HIVEP3: variants seen among roughly 807,000 people sequenced by gnomAD.
HIVEP3 encodes the protein transcription factor HIVEP3.
In HIVEP3, 49 loss-of-function variants were observed where a neutral mutation model predicts 152.8. The ratio of observed to expected loss-of-function variants is 0.32; its 90% CI spans 0.26 to 0.41. The LOEUF (loss-of-function observed/expected upper bound fraction) is 0.41, where lower values mean the gene tolerates loss of function less well. Ranked by LOEUF, HIVEP3 falls within the 10% of genes least tolerant of loss-of-function variation. The pLI is 1.00. For missense variants in HIVEP3, 2,790 were observed against 3,103.3 expected, an observed-to-expected ratio of 0.90 and a Z score of 2.40; for synonymous variants, 1,269 against 1,289.0, an observed-to-expected ratio of 0.98 and a Z score of 0.33.
chr1:41,970,264 AT>A (rs1261530299), intron 1 of HIVEP3, among the ~76,000 whole-genome samples: 1 of 152,238 alleles, frequency 6.6e-6, no homozygotes, highest in Non-Finnish European at 1.5e-5. Flanking sequence ...CACTATTACA[AT>A]AGCAAAGACA....
chr1:42,002,025 C>A (rs1406851471), intron 1 of HIVEP3, among the ~76,000 whole-genome samples: 3 of 152,146 alleles, frequency 2.0e-5, no homozygotes, highest in African/African-American at 7.2e-5. Flanking sequence ...ATCCCCCTTT[C>A]CACAAGCTTT....
At chr1:41,629,447 G>A (rs1002938273) in intron 2 of HIVEP3, among the ~76,000 whole-genome samples, 12 of 152,128 alleles carry the variant, frequency 7.9e-5, no homozygotes, top group Admixed American at 2.0e-4. Context: ...ACTAAAGAGC[G>A]TCTGCACAGC....
chr1:41,721,874 A>G (rs754589323), intron 1 of HIVEP3, among the ~76,000 whole-genome samples: 86 of 152,270 alleles, frequency 5.6e-4, no homozygotes, highest in Non-Finnish European at 9.9e-4. Context: ...GCCTTCCCTA[A>G]CAGAGGTGTG....
chr1:41,714,530 A>G (rs1206041280), intron 1 of HIVEP3, among the ~76,000 whole-genome samples: 1 of 152,234 alleles, frequency 6.6e-6, no homozygotes, highest in Admixed American at 6.5e-5. Context: ...ATTTGGATCC[A>G]TGTTTGCTGA....
intron 3 of HIVEP3, among the ~76,000 whole-genome samples, chr1:41,628,118 G>C (rs1191705905): frequency 6.6e-6 from 1 of 152,196 alleles, no homozygotes; most frequent in African/African-American, 2.4e-5. Context: ...CTGATACCAG[G>C]CCTCTCCCCA....
At chr1:41,551,175 T>C (rs892190009) in intron 5 of HIVEP3, among the ~76,000 whole-genome samples, 1 of 152,206 alleles carries the variant, frequency 6.6e-6, no homozygotes, top group Non-Finnish European at 1.5e-5. Context: ...TGATGGATTA[T>C]ATTTATTGAT....
chr1:41,726,940 T>A (rs182659288), intron 1 of HIVEP3, among the ~76,000 whole-genome samples: 56 of 152,268 alleles, frequency 3.7e-4, no homozygotes, highest in African/African-American at 1.2e-3. Context: ...GCTGTACATA[T>A]GGACTCCAGA....
intron 1 of HIVEP3, among the ~76,000 whole-genome samples, chr1:41,954,372 G>T (rs113548952): frequency 6.6e-6 from 1 of 152,142 alleles, no homozygotes; most frequent in African/African-American, 2.4e-5. Flanking sequence ...GATTAGGGAG[G>T]CCACATACAT....
chr1:41,581,750 G>A lies in HIVEP3; in HGVS notation c.3048C>T (p.Gly1016=), dbSNP rs1345331611. 1 of 1,603,816 alleles carries A rather than the reference G, an allele frequency of 6.2e-7. No individual in the cohort carries two copies. The highest frequency in any genetic ancestry group is 8.5e-7 in the Non-Finnish European group (1 of 1,175,538). Residue 1016 remains glycine, a synonymous_variant, in exon 4 of 9, where the codon GGC becomes GGT. Transcript: ENST00000372583. This position sits in a 1 kb window ranked among gnomAD's most constrained non-coding sequence, Gnocchi z 4.5. ...CAGAAGGGCCTGTCAAGGACAAGCTGCCATAGTCAAAGGATTTGCTGCGTG... is the reference window on the plus strand; with the variant it reads ...CAGAAGGGCCTGTCAAGGACAAGCTACCATAGTCAAAGGATTTGCTGCGTG... ...TETRSKSFDY[G]SLSLTGPSAP... is the part of the protein sequence containing the mutation.
At chr1:41,817,337 G>A (rs1642437894) in intron 1 of HIVEP3, among the ~76,000 whole-genome samples, 3 of 152,180 alleles carry the variant, frequency 2.0e-5, no homozygotes, top group African/African-American at 7.2e-5. Flanking sequence ...GATGCAGAGA[G>A]GAGGATGGAT....
At chr1:41,789,589 C>T (rs937176620) in intron 1 of HIVEP3, among the ~76,000 whole-genome samples, 8 of 152,058 alleles carry the variant, frequency 5.3e-5, no homozygotes, top group Non-Finnish European at 1.0e-4. Context: ...TTGTTTAGGT[C>T]AAAGCTAAGT....
At chr1:41,529,552 CCCCCACA>C (rs1166346256) in intron 5 of HIVEP3, among the ~76,000 whole-genome samples, 1 of 123,384 alleles carries the variant, frequency 8.1e-6, no homozygotes, top group Admixed American at 7.9e-5. Flanking sequence ...GACTCTCCTC[CCCCCACA>C]CCCCACCCTC....
intron 1 of HIVEP3, among the ~76,000 whole-genome samples, chr1:41,730,900 G>T (rs559344830): frequency 6.6e-6 from 1 of 152,152 alleles, no homozygotes. Context: ...GCTTCCTGTG[G>T]GGGGTGAATT....
At chr1:41,679,687 T>A (rs551648825) in intron 2 of HIVEP3, among the ~76,000 whole-genome samples, 1 of 152,312 alleles carries the variant, frequency 6.6e-6, no homozygotes, top group East Asian at 1.9e-4. Flanking sequence ...GGCTCCAGAC[T>A]CTCAGCTCAG....
In HIVEP3 at chr1:41,583,122, C is replaced by A; in HGVS notation, c.1676G>T (p.Gly559Val). The A allele has an allele frequency of 6.2e-7, 1 of 1,613,480 alleles. No individual in the cohort carries two copies. Residue 559 changes from glycine to valine, a missense_variant, in exon 4 of 9, where the codon GGT becomes GTT. By Grantham distance (109) the Gly-to-Val change is moderately radical (BLOSUM62 -3). Around this residue, in one of 9 missense-constraint regions of HIVEP3, gnomAD observed 339 missense variants for 327.0 expected, o/e 1.04. Coordinates refer to ENST00000372583, the MANE Select transcript of HIVEP3 (RefSeq NM_024503.5). This position sits in a 1 kb window ranked among gnomAD's most constrained non-coding sequence, Gnocchi z 6.9. ...TISTPHHPFR[G>V]SYSFDDHITD... ...GATATGGTCATCGAAGGAGTAGCTACCTCGGAAGGGGTGGTGGGGGGTGCT... is the reference window on the plus strand; with the variant it reads ...GATATGGTCATCGAAGGAGTAGCTAACTCGGAAGGGGTGGTGGGGGGTGCT...
At position 41,683,958 on chromosome 1, in the gene HIVEP3, AC is replaced by A. The variant is rs140716296; in HGVS notation, c.-721+16957del. On this transcript the variant is annotated intron_variant, in intron 2 of 8. Coordinates refer to ENST00000372583, the MANE Select transcript of HIVEP3 (RefSeq NM_024503.5). ...GTTGTGTGGGGTGCAGGGTGTTGCT[AC>A]AGAGCTCAGATGACTATCAGTTCCT... Among the ~76,000 whole-genome samples, 574 of 152,324 alleles carry A rather than the reference AC, an allele frequency of 3.8e-3. 2 individuals are homozygous for A. Among genetic ancestry groups the A allele is most frequent in the African/African-American group, 0.013 (533 of 41,562 alleles).
chr1:41,844,831 T>C (rs1212696432), intron 1 of HIVEP3, among the ~76,000 whole-genome samples: 1 of 152,148 alleles, frequency 6.6e-6, no homozygotes, highest in Non-Finnish European at 1.5e-5. Flanking sequence ...AAATCTAACA[T>C]CTCATATAGA....
chr1:41,916,076 C>CT (rs1644867026), intron 1 of HIVEP3, among the ~76,000 whole-genome samples: 1 of 152,168 alleles, frequency 6.6e-6, no homozygotes, highest in African/African-American at 2.4e-5. Flanking sequence ...TTAATGTTAT[C>CT]TTTCATCAAA....
chr1:41,659,192 C>G (rs1645674676), intron 2 of HIVEP3, among the ~76,000 whole-genome samples: 1 of 152,198 alleles, frequency 6.6e-6, no homozygotes, highest in Admixed American at 6.5e-5. Context: ...TGCTGTTCTT[C>G]TATGGCAAAT....
Sources: gnomAD v4.1 joint callset for allele counts (sites outside exome capture counted in the v4.1 genomes callset) on GRCh38, gnomAD v4.1.1 for gene constraint, gnomAD v4.1.1 regional missense constraint, Gnocchi (gnomAD v3.1) non-coding constraint, MANE v1.5 for transcripts, NCBI Gene and HGNC (gene_info 2026-07-23, HGNC 2026-07-21) for gene names.